Variants in GBP3 observed in about 807,000 individuals in gnomAD.
GBP3 encodes the protein guanylate binding protein 3.
A neutral mutation model predicts 62.4 loss-of-function variants in GBP3; 55 were observed. The observed-to-expected ratio is 0.88, with a 90% CI of 0.71 to 1.10. GBP3 has a LOEUF of 1.10. Ranked by LOEUF, GBP3 falls within the 50% of genes least tolerant of loss-of-function variation. The pLI, the probability that GBP3 is intolerant of heterozygous loss-of-function variation, is 0.00. For synonymous variants in GBP3, 208 were observed against 259.2 expected (o/e 0.80, Z 1.90); for missense variants, 605 against 690.6 (o/e 0.88, Z 1.39).
chr1:89,009,534 G>A (rs780975373), intron 8 of GBP3, 40 bp from the exon 9 acceptor site: 1 of 1,607,926 alleles, frequency 6.2e-7, no homozygotes, highest in Non-Finnish European at 8.5e-7. Context: ...GTAGGAAATG[G>A]CTGTAAGCAG....
chr1:89,020,426 T>C (rs1354521222), intron 2 of GBP3, 106 bp downstream of exon 2: 1 of 1,327,364 alleles, frequency 7.5e-7, no homozygotes, highest in South Asian at 1.2e-5. Flanking sequence ...GAATGGAAAG[T>C]TAGCTTATTC....
In GBP3 at chr1:89,014,097, A is replaced by T. The variant is rs1240369565; in HGVS notation, c.611T>A (p.Leu204Gln). The T allele has an allele frequency of 2.5e-6, 4 of 1,614,162 alleles. No homozygotes were observed. In the African/African-American group the frequency reaches 4.0e-5, roughly 16 times the overall value. Residue 204 changes from leucine (L) to glutamine (Q), a missense_variant, in exon 5 of 11, where the codon CTG (leucine) becomes CAG (glutamine). Transcript: ENST00000370481. Reference sequence around the variant, plus strand: ...GTCTCTGTTACCTTGCGTTAGCTTCAGGGAATACTCCAGGTACTCATCTGG... The same window carrying T: ...GTCTCTGTTACCTTGCGTTAGCTTCTGGGAATACTCCAGGTACTCATCTGG... Reference protein sequence around the residue: ...LTPDEYLEYSLKLTQGTSQKD... With the variant: ...LTPDEYLEYSQKLTQGTSQKD...
chr1:89,021,544 A>ACACACACACACACACACC (rs761151308), intron 1 of GBP3, among the ~76,000 whole-genome samples: 3 of 141,052 alleles, frequency 2.1e-5, no homozygotes, highest in Admixed American at 7.1e-5. Flanking sequence ...ACACACACAC[A>ACACACACACACACACACC]CCCCAAAAAA....
At chr1:89,010,762 C>A in intron 8 of GBP3, 142 bp downstream of exon 8, 1 of 1,088,846 alleles carries the variant, frequency 9.2e-7, no homozygotes, top group Non-Finnish European at 1.3e-6. Flanking sequence ...AACAGTCTCC[C>A]TCCCTGCATA....
chr1:89,010,408 C>T (rs1678490951), intron 8 of GBP3, among the ~76,000 whole-genome samples: 1 of 138,214 alleles, frequency 7.2e-6, no homozygotes, highest in African/African-American at 2.5e-5. Flanking sequence ...GCGTGAGCCA[C>T]TGCGCCCGGC....
chr1:89,020,383 C>G (rs893579358), intron 2 of GBP3, 149 bp downstream of exon 2: 1 of 832,862 alleles, frequency 1.2e-6, no homozygotes, highest in African/African-American at 1.7e-5. Context: ...GATGCTTATC[C>G]CCTAGAAGAG....
At chr1:89,021,788 TGA>T (rs146229731) in intron 1 of GBP3, among the ~76,000 whole-genome samples, 5,321 of 65,166 alleles carry the variant, frequency 0.082, 158 homozygotes, top group East Asian at 0.13. Flanking sequence ...GCTGGAAAGA[TGA>T]GAGAGAGAGA....
At chr1:89,010,813 G>C in intron 8 of GBP3, 91 bp downstream of exon 8, 1 of 1,404,574 alleles carries the variant, frequency 7.1e-7, no homozygotes, top group Non-Finnish European at 1.0e-6. Context: ...AGACAAAAAA[G>C]CACATCTGTG....
At chr1:89,008,526 A>G (rs1678365154) in intron 10 of GBP3, among the ~76,000 whole-genome samples, 1 of 148,200 alleles carries the variant, frequency 6.7e-6, no homozygotes, top group African/African-American at 2.5e-5. Flanking sequence ...AAATATTACT[A>G]TGGATTCCAC....
At chr1:89,017,954 C>T (rs1678976475) in intron 2 of GBP3, among the ~76,000 whole-genome samples, 1 of 152,044 alleles carries the variant, frequency 6.6e-6, no homozygotes, top group African/African-American at 2.4e-5. Flanking sequence ...TGGCAGGTGC[C>T]TGTAATCTCA....
chr1:89,012,120 C>T (rs1678606439), intron 6 of GBP3, 93 bp from the exon 7 acceptor site: 2 of 1,210,698 alleles, frequency 1.7e-6, no homozygotes, highest in Non-Finnish European at 1.2e-6. Context: ...ACCTATTTTC[C>T]TCACAGCATC....
intron 2 of GBP3, 126 bp downstream of exon 2, chr1:89,020,406 G>T: frequency 1.9e-6 from 2 of 1,076,014 alleles, no homozygotes; most frequent in Non-Finnish European, 1.4e-6. Flanking sequence ...AAGATAAGGA[G>T]CCCAACTGTG....
Position 89,009,113 on chromosome 1 carries a change from T to C in GBP3, c.1493A>G (p.Gln498Arg). 1 of 1,614,140 alleles carries C rather than the reference T, an allele frequency of 6.2e-7. No homozygotes were observed. ...TTCCTCCACCATTTTTGCTGAAGCC[T>C]GTGCAGATTCAGCTTTTACACATTC... ...EVECVKAESA[Q>R]ASAKMVEEMQ... The change falls in exon 10 of 11, where the codon CAG (glutamine) becomes CGG (arginine). Residue 498 changes from glutamine (Q) to arginine (R), a missense_variant. Gln to Arg is a conservative substitution (Grantham distance 43). Around this residue, in one of 3 missense-constraint regions of GBP3, gnomAD observed 160 missense variants for 147.8 expected, o/e 1.08. Coordinates refer to ENST00000370481, the MANE Select transcript of GBP3 (RefSeq NM_018284.3).
chr1:89,008,774 A>C, intron 10 of GBP3, 173 bp downstream of exon 10: 1 of 1,253,946 alleles, frequency 8.0e-7, no homozygotes, highest in South Asian at 1.6e-5. Flanking sequence ...ACTTTTAGTG[A>C]CCACATGTAG....
In GBP3 at chr1:89,013,446, G is replaced by T. The variant is rs764830795; in HGVS notation, c.626-19C>A. 11 of 1,594,898 alleles carry T rather than the reference G, an allele frequency of 6.9e-6. No homozygotes were observed. In the East Asian group the frequency reaches 8.9e-5, roughly 13 times the overall value. ...CTGGTACCTAGAGAAACATAATAAAGAAATTTGCCTAATATAAGTGTTTCC... is the reference window on the plus strand; with the variant it reads ...CTGGTACCTAGAGAAACATAATAAATAAATTTGCCTAATATAAGTGTTTCC... On this transcript the variant is annotated intron_variant, in intron 5 of 10. Coordinates refer to ENST00000370481, the MANE Select transcript of GBP3 (RefSeq NM_018284.3).
chr1:89,008,582 T>C (rs1378985820), intron 10 of GBP3, among the ~76,000 whole-genome samples: 9 of 151,088 alleles, frequency 6.0e-5, no homozygotes, highest in Non-Finnish European at 4.4e-5. Flanking sequence ...TGTGACACTA[T>C]AAAAGTTATT....
At chr1:89,010,530 A>C (rs1678497430) in intron 8 of GBP3, among the ~76,000 whole-genome samples, 1 of 138,682 alleles carries the variant, frequency 7.2e-6, no homozygotes, top group African/African-American at 2.5e-5. Context: ...CTCCTGCCTC[A>C]GCCTTCTGAG....
chr1:89,011,695 AG>A lies in GBP3; in HGVS notation c.1149+51del. 3.5e-6 allele frequency: 5 copies of A among 1,444,306 alleles called. 2 individuals are homozygous for A. Among genetic ancestry groups the A allele is most frequent in the Non-Finnish European group, 4.8e-6 (5 of 1,041,808 alleles). The allele number at this position is 1,444,306 out of a possible 1,614,324, so 89.5% of individuals were successfully genotyped here. A position where few individuals can be genotyped will look rare whatever the true frequency, so the allele number is the denominator to read the frequency against. ...ATAAATACCAATTTCATTTCTTAGTAGTACTTTGCCTTCCAAAATCCAAATC... is the reference window on the plus strand; with the variant it reads ...ATAAATACCAATTTCATTTCTTAGTATACTTTGCCTTCCAAAATCCAAATC... On this transcript the variant is annotated intron_variant, in intron 7 of 10. Transcript: ENST00000370481.
chr1:89,008,966 G>T lies in GBP3; in HGVS notation c.1640C>A (p.Thr547Asn). ...RAQLLEEQEK[T>N]LTSKLQEQAR... ...GGATACCTGAAGTTTACTAGTGAGG[G>T]TCTTCTCTTGCTCTTCCAGCAACTG... Residue 547 changes from threonine (T) to asparagine (N), a missense_variant, in exon 10 of 11, where the codon ACC becomes AAC. Physicochemically the swap from Thr to Asn is moderately conservative, Grantham distance 65 (BLOSUM62 0). This residue lies in a region of GBP3 where 160 missense variants were observed against 147.8 expected (regional missense o/e 1.08). Coordinates refer to ENST00000370481, the MANE Select transcript of GBP3 (RefSeq NM_018284.3). 6.2e-7 allele frequency: 1 copy of T among 1,614,096 alleles called. No homozygotes were observed. Among genetic ancestry groups the T allele is most frequent in the Non-Finnish European group, 8.5e-7 (1 of 1,179,972 alleles).
Sources: allele counts gnomAD v4.1 joint callset (sites outside exome capture counted in the v4.1 genomes callset), GRCh38; gene constraint gnomAD v4.1.1; regional missense constraint gnomAD v4.1.1; transcripts MANE v1.5; gene names NCBI Gene and HGNC (gene_info 2026-07-23, HGNC 2026-07-21).